The following AFF2 variants were observed in gnomAD, a reference collection of about 807,000 sequenced individuals.
AFF2 encodes the protein AF4/FMR2 family member 2.
AFF2 carries 14 observed loss-of-function variants against 76.9 expected under a neutral mutation model. The ratio of observed to expected loss-of-function variants is 0.18; its 90% CI spans 0.12 to 0.28. The LOEUF (loss-of-function observed/expected upper bound fraction) is 0.28. Among genes scored for constraint, AFF2 ranks in the 10% least tolerant of loss-of-function variants. The probability of loss-of-function intolerance (pLI) is 1.00; values close to 1 mark genes in which losing one functional copy is unlikely to be tolerated. For synonymous variants in AFF2, 398 were observed against 366.7 expected (o/e 1.09, Z -0.98); for missense variants, 868 against 1,001.1 (o/e 0.87, Z 1.79).
chrX:148,892,073 A>G (rs539637434), intron 8 of AFF2, among the ~76,000 whole-genome samples: 1 of 111,824 alleles, frequency 8.9e-6, no homozygotes, highest in South Asian at 3.8e-4. Flanking sequence ...AACACAAAAC[A>G]TTCTAATGTG....
Position 148,878,778 on chromosome X carries a change from G to A in AFF2, c.1263-7111G>A, listed in dbSNP as rs551660085. On this transcript the variant is annotated intron_variant, in intron 7 of 20. Transcript: ENST00000370460. ...TCTCTGGGGAAATTCACTCTTAGAT[G>A]TTTTAACACACACACTTCTAAAAAA... 2.9e-4 allele frequency among the ~76,000 whole-genome samples: 33 copies of A among 112,173 alleles called. 1 individual carries two copies. In the South Asian group the frequency reaches 0.011, roughly 36 times the overall value.
At chrX:148,664,329 C>G (rs184145183) in intron 3 of AFF2, among the ~76,000 whole-genome samples, 2 of 112,302 alleles carry the variant, frequency 1.8e-5, no homozygotes, top group Admixed American at 9.4e-5. Context: ...GAAATCCCAG[C>G]CATATGGGAC....
intron 3 of AFF2, among the ~76,000 whole-genome samples, chrX:148,718,405 A>C (rs1392303873): frequency 9.0e-6 from 1 of 110,906 alleles, no homozygotes; most frequent in Non-Finnish European, 1.9e-5. Context: ...AGGGCAATGG[A>C]CCTAGGACTA....
At chrX:148,704,018 C>T (rs1475735119) in intron 3 of AFF2, among the ~76,000 whole-genome samples, 1 of 106,223 alleles carries the variant, frequency 9.4e-6, no homozygotes, top group Admixed American at 1.1e-4. Flanking sequence ...ACCTCAGCCT[C>T]CCAAGTAGCT....
chrX:148,793,187 A>T (rs1178142970), intron 3 of AFF2, among the ~76,000 whole-genome samples: 2 of 106,676 alleles, frequency 1.9e-5, no homozygotes, highest in Non-Finnish European at 3.9e-5. Context: ...CCTTTGCCTA[A>T]CATAACATAC....
chrX:148,900,014 A>G (rs1424494433), intron 8 of AFF2, among the ~76,000 whole-genome samples: 1 of 110,724 alleles, frequency 9.0e-6, no homozygotes, highest in African/African-American at 3.3e-5. Context: ...TTTTAGTCCA[A>G]TAGACATGTC....
chrX:148,781,774 G>A (rs1400905341), intron 3 of AFF2, among the ~76,000 whole-genome samples: 3 of 111,645 alleles, frequency 2.7e-5, no homozygotes, highest in Non-Finnish European at 3.8e-5. Flanking sequence ...AGCTAGCTCG[G>A]TGTCTGCCCA....
chrX:148,954,862 A>T (rs1054070328), intron 10 of AFF2, among the ~76,000 whole-genome samples: 1 of 112,056 alleles, frequency 8.9e-6, no homozygotes, highest in Non-Finnish European at 1.9e-5. Flanking sequence ...CATAAGCCTC[A>T]GCTGATGGCT....
rs782573942 is a variant in AFF2 at position 148,615,077 on chromosome X, C to T, written c.48-36922C>T. On this transcript the variant is annotated intron_variant, in intron 1 of 20. Transcript: ENST00000370460. The stretch of plus-strand genomic sequence containing the variant: ...TTGCCTGGCTCCAAAATGTTGTCAT[C>T]AATTCTTGAAGGTTTGCAGCAAGTT... Among the ~76,000 whole-genome samples the T allele has an allele frequency of 7.2e-5, 8 of 110,855 alleles. No homozygotes were observed. The South Asian group carries it at 3.0e-3, about 41-fold the overall frequency.
chrX:148,598,003 A>G (rs2053591681), intron 1 of AFF2, among the ~76,000 whole-genome samples: 1 of 112,070 alleles, frequency 8.9e-6, no homozygotes, highest in Non-Finnish European at 1.9e-5. Flanking sequence ...CATCAATAGG[A>G]GTTGGGGGAT....
chrX:148,763,331 C>T (rs963214731), intron 3 of AFF2, among the ~76,000 whole-genome samples: 1 of 111,705 alleles, frequency 9.0e-6, no homozygotes, highest in East Asian at 2.8e-4. Flanking sequence ...ACATGTTAAT[C>T]GAGTATTAAC....
Position 149,000,132 on chromosome X carries a change from G to C in AFF2, c.*8800G>C, listed in dbSNP as rs5980619. On this transcript the variant is annotated 3_prime_UTR_variant, in exon 21 of 21. Transcript: ENST00000370460. The stretch of plus-strand genomic sequence containing the variant: ...GACCCTTTCCCCAAGGGCACCCCAG[G>C]TGGCCATTAAATTGTGATGATCATT... 0.093 allele frequency: 10,414 copies of C among 111,667 alleles called. 555 individuals carry two copies. Among genetic ancestry groups the C allele is most frequent in the African/African-American group, 0.2 (6,065 of 30,631 alleles). 9.2% of individuals were successfully genotyped at this position (111,667 alleles called of 1,213,427 possible). A position where few individuals can be genotyped will look rare whatever the true frequency, so the allele number is the denominator to read the frequency against.
chrX:148,888,888 T>G (rs782241755), intron 8 of AFF2, among the ~76,000 whole-genome samples: 3 of 111,799 alleles, frequency 2.7e-5, no homozygotes, highest in Non-Finnish European at 5.6e-5. Flanking sequence ...TCCATAAAAC[T>G]GTGCTCAAGA....
intron 7 of AFF2, among the ~76,000 whole-genome samples, chrX:148,878,010 T>C (rs1292733179): frequency 9.0e-6 from 1 of 111,657 alleles, no homozygotes; most frequent in Non-Finnish European, 1.9e-5. Flanking sequence ...TCTAATCTGC[T>C]GTAGTTGCTC....
At chrX:148,937,730 C>A (rs1386800552) in intron 9 of AFF2, among the ~76,000 whole-genome samples, 2 of 111,760 alleles carry the variant, frequency 1.8e-5, no homozygotes, top group East Asian at 5.6e-4. Context: ...ATGAGCAGCA[C>A]CTGTGCTTAC....
At position 148,769,139 on chromosome X, in the gene AFF2, T is replaced by G. The variant is rs967252040; in HGVS notation, c.1042-40737T>G. On this transcript the variant is annotated intron_variant, in intron 3 of 20. Coordinates refer to ENST00000370460, the MANE Select transcript of AFF2 (RefSeq NM_002025.4). ...TTTCCACAGAATGGAGCAGGGACCC[T>G]GCTTGAAGAAAACTTGGTAGATGAA... Among the ~76,000 whole-genome samples, 3 of 111,924 alleles carry G rather than the reference T, an allele frequency of 2.7e-5. No homozygotes were observed. In the East Asian group the frequency reaches 8.5e-4, roughly 32 times the overall value.
chrX:148,503,793 T>C (rs1213349625), intron 1 of AFF2, among the ~76,000 whole-genome samples: 1 of 112,083 alleles, frequency 8.9e-6, no homozygotes, highest in Non-Finnish European at 1.9e-5. Context: ...TGTTTTGGAA[T>C]GCTCACATGC....
chrX:148,688,060 T>C (rs1412188698), intron 3 of AFF2, among the ~76,000 whole-genome samples: 1 of 111,024 alleles, frequency 9.0e-6, no homozygotes, highest in African/African-American at 3.3e-5. Flanking sequence ...TTCTATAGCC[T>C]ATCAATCACC....
chrX:148,720,735 G>T (rs1557263724), intron 3 of AFF2, among the ~76,000 whole-genome samples: 1 of 111,912 alleles, frequency 8.9e-6, no homozygotes, highest in African/African-American at 3.2e-5. Context: ...ATTCACAGAA[G>T]AACATTTTAT....
Sources: allele counts gnomAD v4.1 joint callset (sites outside exome capture counted in the v4.1 genomes callset), GRCh38; gene constraint gnomAD v4.1.1; transcripts MANE v1.5; gene names NCBI Gene and HGNC (gene_info 2026-07-23, HGNC 2026-07-21).